The following PKN2 variants were observed in gnomAD, a reference collection of about 807,000 sequenced individuals.
The protein encoded by PKN2 is serine/threonine-protein kinase N2.
In PKN2, 38 loss-of-function variants were observed where a neutral mutation model predicts 119.1. The observed-to-expected ratio is 0.32, with a 90% CI of 0.25 to 0.42. PKN2 has a LOEUF of 0.42. Ranked by LOEUF, PKN2 falls within the 10% of genes least tolerant of loss-of-function variation. The probability of loss-of-function intolerance (pLI) is 1.00; values close to 1 mark genes in which losing one functional copy is unlikely to be tolerated. For synonymous variants in PKN2, 390 were observed against 384.9 expected, an observed-to-expected ratio of 1.01 and a Z score of -0.15; for missense variants, 850 against 1,165.1, an observed-to-expected ratio of 0.73 and a Z score of 3.94.
intron 6 of PKN2, among the ~76,000 whole-genome samples, chr1:88,774,187 C>T (rs1390651869): frequency 6.6e-6 from 1 of 152,190 alleles, no homozygotes; most frequent in Non-Finnish European, 1.5e-5. Context: ...GGATATATCA[C>T]CCTCCTAACA....
At chr1:88,686,414 A>C (rs778067323) in intron 1 of PKN2, among the ~76,000 whole-genome samples, 1 of 152,130 alleles carries the variant, frequency 6.6e-6, no homozygotes, top group Non-Finnish European at 1.5e-5. Flanking sequence ...TTTAATTAAT[A>C]AGATCAATTT....
At chr1:88,822,579 CTT>C (rs1248235815) in intron 17 of PKN2, among the ~76,000 whole-genome samples, 30 of 134,982 alleles carry the variant, frequency 2.2e-4, no homozygotes, top group East Asian at 4.2e-4. Context: ...ATTATTTAAG[CTT>C]TTTTTTTTTT....
At chr1:88,832,889 T>C (rs1439028161) in intron 20 of PKN2, 38 bp downstream of exon 20, 9 of 1,322,440 alleles carry the variant, frequency 6.8e-6, no homozygotes, top group Non-Finnish European at 9.5e-6. Flanking sequence ...TTTTAAAGAC[T>C]ACTTTAATTT....
intron 18 of PKN2, among the ~76,000 whole-genome samples, chr1:88,824,903 G>A (rs570205362): frequency 1.5e-3 from 223 of 152,336 alleles, no homozygotes; most frequent in Non-Finnish European, 2.4e-3. Context: ...GGTTTGAATC[G>A]TGGCTTTGCC....
At chr1:88,828,944 T>C (rs1489318540) in intron 19 of PKN2, 1 of 636,502 alleles carries the variant, frequency 1.6e-6, no homozygotes, top group Non-Finnish European at 3.0e-6. Context: ...GAATGTACTC[T>C]GTACCTGTAA....
At chr1:88,730,832 T>C (rs1037954843) in intron 1 of PKN2, among the ~76,000 whole-genome samples, 1 of 152,240 alleles carries the variant, frequency 6.6e-6, no homozygotes, top group South Asian at 2.1e-4. Flanking sequence ...CAGGCAGTTA[T>C]AATAATTCCA....
chr1:88,692,987 GC>G (rs768847759), intron 1 of PKN2, among the ~76,000 whole-genome samples: 8 of 152,130 alleles, frequency 5.3e-5, no homozygotes, highest in Non-Finnish European at 1.0e-4. Flanking sequence ...CAAATGAACA[GC>G]CATAGGAAGT....
At chr1:88,739,879 A>G (rs1379591825) in intron 1 of PKN2, among the ~76,000 whole-genome samples, 1 of 152,120 alleles carries the variant, frequency 6.6e-6, no homozygotes, top group Non-Finnish European at 1.5e-5. Flanking sequence ...TTCTCAAGTA[A>G]TGATGCTTTT....
rs1670192116 is a variant in PKN2, at chr1:88,778,424, G to C, written c.986-6215G>C. 2.6e-5 allele frequency among the ~76,000 whole-genome samples: 4 copies of C among 152,262 alleles called. 1 individual carries two copies. The highest frequency in any genetic ancestry group is 2.0e-4 in the Admixed American group (3 of 15,292). On this transcript the variant is annotated intron_variant, in intron 6 of 21. Coordinates refer to ENST00000370521, the MANE Select transcript of PKN2 (RefSeq NM_006256.4). ...TACAACTCTGCATTTGCTTTGTGCA[G>C]AGCTTGAGAGTCAACCATAGGTTAG...
chr1:88,821,491 A>G (rs1180758660), intron 16 of PKN2, among the ~76,000 whole-genome samples: 1 of 152,182 alleles, frequency 6.6e-6, no homozygotes, highest in Non-Finnish European at 1.5e-5. Flanking sequence ...TTTTCAGCCT[A>G]ATCTCCTACT....
At chr1:88,832,945 T>G (rs1672790979) in intron 20 of PKN2, 94 bp downstream of exon 20, 1 of 1,211,464 alleles carries the variant, frequency 8.3e-7, no homozygotes. Flanking sequence ...AAGCTGTTTT[T>G]CAGTTCATAA....
At position 88,822,579 on chromosome 1, in the gene PKN2, C is replaced by CTTT. The variant is rs1248235815; in HGVS notation, c.2342+591_2342+593dup. Among the ~76,000 whole-genome samples the CTTT allele has an allele frequency of 5.4e-4, 73 of 135,096 alleles. 4 individuals are homozygous for CTTT. Among genetic ancestry groups the CTTT allele is most frequent in the East Asian group, 5.3e-3 (25 of 4,716 alleles). 88.6% of individuals were successfully genotyped at this position (135,096 alleles called of 152,430 possible). ...GACTATAAACATTGGATTATTTAAG[C>CTTT]TTTTTTTTTTTTTTTTTGAGACGGA... On this transcript the variant is annotated intron_variant, in intron 17 of 21. Transcript: ENST00000370521.
At chr1:88,769,615 T>C (rs1353597443) in intron 3 of PKN2, among the ~76,000 whole-genome samples, 1 of 152,178 alleles carries the variant, frequency 6.6e-6, no homozygotes, top group Non-Finnish European at 1.5e-5. Context: ...ATATACACAA[T>C]GAAATATTGT....
At chr1:88,715,519 T>C (rs770226018) in intron 1 of PKN2, among the ~76,000 whole-genome samples, 14 of 152,360 alleles carry the variant, frequency 9.2e-5, no homozygotes, top group Non-Finnish European at 1.6e-4. Context: ...TCCAGGAATT[T>C]ATCCATTTCT....
intron 1 of PKN2, among the ~76,000 whole-genome samples, chr1:88,727,819 A>G (rs2100719626): frequency 6.6e-6 from 1 of 152,220 alleles, no homozygotes; most frequent in East Asian, 1.9e-4. Context: ...TTTTCTTCCA[A>G]TTTGATAATA....
chr1:88,793,411 T>C (rs13374967), intron 8 of PKN2, among the ~76,000 whole-genome samples: 10,175 of 152,262 alleles, frequency 0.067, 700 homozygotes, highest in African/African-American at 0.18. Flanking sequence ...AGTATATTTA[T>C]TGAAAAAAAA....
chr1:88,733,445 A>C (rs1668222902), intron 1 of PKN2, among the ~76,000 whole-genome samples: 1 of 152,172 alleles, frequency 6.6e-6, no homozygotes, highest in African/African-American at 2.4e-5. Context: ...GTGATGTTGA[A>C]CATTTTTTCA....
intron 6 of PKN2, among the ~76,000 whole-genome samples, chr1:88,774,896 A>G (rs780561655): frequency 1.3e-5 from 2 of 151,794 alleles, no homozygotes; most frequent in African/African-American, 2.4e-5. Context: ...TTTGCTAGCA[A>G]TGGCGTCTCA....
intron 1 of PKN2, among the ~76,000 whole-genome samples, chr1:88,697,916 A>G (rs76382906): frequency 4.1e-4 from 63 of 152,224 alleles, no homozygotes; most frequent in Admixed American, 1.2e-3. Flanking sequence ...ATCTCATGAC[A>G]TTTATTATAT....
Sources: allele counts gnomAD v4.1 joint callset (sites outside exome capture counted in the v4.1 genomes callset), GRCh38; gene constraint gnomAD v4.1.1; transcripts MANE v1.5; gene names NCBI Gene and HGNC (gene_info 2026-07-23, HGNC 2026-07-21).